The following DPP10 variants were observed in gnomAD, a reference collection of about 807,000 sequenced individuals.
The protein encoded by DPP10 is dipeptidyl peptidase like 10, also known as inactive dipeptidyl peptidase 10.
In DPP10, 33 loss-of-function variants were observed where a neutral mutation model predicts 120.9. That is an observed-to-expected ratio of 0.27 (90% CI 0.21 to 0.37). The LOEUF (loss-of-function observed/expected upper bound fraction) is 0.37, where lower values mean the gene tolerates loss of function less well. Ranked by LOEUF, DPP10 falls within the 10% of genes least tolerant of loss-of-function variation. DPP10 has a pLI of 1.00. For synonymous variants in DPP10, 337 were observed against 326.1 expected, an observed-to-expected ratio of 1.03 and a Z score of -0.36; for missense variants, 816 against 942.8, an observed-to-expected ratio of 0.87 and a Z score of 1.76.
At chr2:114,634,729 T>C (rs1695186003) in intron 1 of DPP10, among the ~76,000 whole-genome samples, 1 of 151,950 alleles carries the variant, frequency 6.6e-6, no homozygotes, top group Non-Finnish European at 1.5e-5. Context: ...AAGTTGTAGA[T>C]TGTCAGGCAC....
intron 5 of DPP10, among the ~76,000 whole-genome samples, chr2:115,573,345 G>GGCGC (rs2081452883): frequency 6.9e-6 from 1 of 145,356 alleles, no homozygotes; most frequent in African/African-American, 2.6e-5. Flanking sequence ...TGCAGTTGTA[G>GGCGC]GATCTTGGCT....
At chr2:114,456,852 G>C (rs1573389776) in intron 1 of DPP10, among the ~76,000 whole-genome samples, 1 of 152,148 alleles carries the variant, frequency 6.6e-6, no homozygotes, top group Non-Finnish European at 1.5e-5. Context: ...AGCATAAAGT[G>C]GGGAAATATA....
At chr2:114,555,078 G>T (rs1485004326) in intron 1 of DPP10, among the ~76,000 whole-genome samples, 1 of 152,152 alleles carries the variant, frequency 6.6e-6, no homozygotes, top group African/African-American at 2.4e-5. Flanking sequence ...TATTTCCTGG[G>T]ATTGGTGCTG....
chr2:115,388,776 T>C (rs1034341122), intron 3 of DPP10, among the ~76,000 whole-genome samples: 7 of 152,184 alleles, frequency 4.6e-5, no homozygotes, highest in African/African-American at 1.7e-4. Flanking sequence ...GGAGAGGAAG[T>C]AATTTAATGA....
intron 1 of DPP10, among the ~76,000 whole-genome samples, chr2:115,162,599 G>T (rs1401546067): frequency 6.6e-6 from 1 of 152,156 alleles, no homozygotes. Flanking sequence ...CTGCTGAGCG[G>T]AACGGAGCTT....
intron 1 of DPP10, among the ~76,000 whole-genome samples, chr2:114,812,114 G>A (rs1004418130): frequency 2.6e-5 from 4 of 152,158 alleles, no homozygotes; most frequent in African/African-American, 9.7e-5. Flanking sequence ...TTGCCTAGAG[G>A]TAGCACCTAC....
chr2:114,941,064 T>G (rs909752539), intron 1 of DPP10, among the ~76,000 whole-genome samples: 3 of 152,214 alleles, frequency 2.0e-5, no homozygotes, highest in African/African-American at 7.2e-5. Context: ...ACTTTTTTCT[T>G]AGAACTTGTT....
Position 115,189,609 on chromosome 2 carries a change from GT to G in DPP10, c.61-119628del, listed in dbSNP as rs1295276093. Among the ~76,000 whole-genome samples the G allele has an allele frequency of 3.3e-5, 5 of 151,736 alleles. 1 individual carries two copies. Among genetic ancestry groups the G allele is most frequent in the Middle Eastern group, 6.3e-3 (2 of 316 alleles). On this transcript the variant is annotated intron_variant, in intron 1 of 25. Transcript: ENST00000410059. Reference sequence around the variant, plus strand: ...CAATCCCCCATCTTGAATTTTTTCAGTTCTTTCTCTTCAGACTTCCTTAACA... The same window carrying G: ...CAATCCCCCATCTTGAATTTTTTCAGTCTTTCTCTTCAGACTTCCTTAACA...
intron 1 of DPP10, among the ~76,000 whole-genome samples, chr2:115,282,731 T>A (rs1433441579): frequency 6.6e-6 from 1 of 152,140 alleles, no homozygotes; most frequent in African/African-American, 2.4e-5. Flanking sequence ...AGCCTTTGTT[T>A]GGAAATAGAA....
chr2:115,347,824 G>T (rs1009230899), intron 3 of DPP10, among the ~76,000 whole-genome samples: 1 of 152,060 alleles, frequency 6.6e-6, no homozygotes, highest in African/African-American at 2.4e-5. Context: ...ATCCTTTTTT[G>T]TGGCTGCATA....
intron 1 of DPP10, among the ~76,000 whole-genome samples, chr2:114,968,632 C>T (rs536112572): frequency 6.6e-6 from 1 of 152,066 alleles, no homozygotes; most frequent in South Asian, 2.1e-4. Flanking sequence ...AAATAATGAA[C>T]AATCTGTTTA....
At chr2:115,060,100 T>C (rs1415202684) in intron 1 of DPP10, among the ~76,000 whole-genome samples, 1 of 151,950 alleles carries the variant, frequency 6.6e-6, no homozygotes, top group East Asian at 1.9e-4. Context: ...GCATCACTTA[T>C]TTTAATGACC....
intron 1 of DPP10, among the ~76,000 whole-genome samples, chr2:115,090,175 C>A (rs1158701563): frequency 6.6e-6 from 1 of 151,734 alleles, no homozygotes; most frequent in African/African-American, 2.4e-5. Flanking sequence ...ATGTTCACAT[C>A]TTTTTAAAAT....
intron 1 of DPP10, among the ~76,000 whole-genome samples, chr2:114,526,660 C>T: frequency 6.6e-6 from 1 of 152,078 alleles, no homozygotes; most frequent in Non-Finnish European, 1.5e-5. Flanking sequence ...AACCTGCTTC[C>T]TGGTTCATAG....
chr2:115,839,655 C>T (rs185123022), intron 24 of DPP10, among the ~76,000 whole-genome samples: 57 of 119,206 alleles, frequency 4.8e-4, no homozygotes, highest in African/African-American at 1.8e-3. Flanking sequence ...GCCTGGGCAA[C>T]AGAGCAAGAC....
intron 2 of DPP10, among the ~76,000 whole-genome samples, chr2:115,338,181 A>C (rs1454030936): frequency 6.6e-6 from 1 of 152,134 alleles, no homozygotes; most frequent in Non-Finnish European, 1.5e-5. Context: ...TTTGTCTGTT[A>C]ACCTAGATGT....
chr2:114,692,379 T>G (rs1699812793), intron 1 of DPP10, among the ~76,000 whole-genome samples: 1 of 151,922 alleles, frequency 6.6e-6, no homozygotes, highest in Admixed American at 6.6e-5. Flanking sequence ...CAATTTCCAT[T>G]TGATGGTGTG....
chr2:115,766,312 A>G (rs5015184), intron 12 of DPP10, among the ~76,000 whole-genome samples: 45,780 of 66,282 alleles, frequency 0.69, 14,475 homozygotes, highest in East Asian at 0.85. Flanking sequence ...GTGTGTGTGT[A>G]TATATATATA....
chr2:115,107,216 TG>T (rs1368062411), intron 1 of DPP10, among the ~76,000 whole-genome samples: 3 of 152,090 alleles, frequency 2.0e-5, no homozygotes, highest in African/African-American at 7.2e-5. Context: ...ACTTAATTTG[TG>T]TATTATAACA....
Sources: gnomAD v4.1 joint callset for allele counts (sites outside exome capture counted in the v4.1 genomes callset) on GRCh38, gnomAD v4.1.1 for gene constraint, MANE v1.5 for transcripts, NCBI Gene and HGNC (gene_info 2026-07-23, HGNC 2026-07-21) for gene names.